The following CHRM3 variants were observed in gnomAD, a reference collection of about 807,000 sequenced individuals.
CHRM3 encodes the protein muscarinic acetylcholine receptor M3.
In CHRM3, 11 loss-of-function variants were observed where a neutral mutation model predicts 41.8. The ratio of observed to expected loss-of-function variants is 0.26; its 90% CI spans 0.17 to 0.44. CHRM3 has a LOEUF of 0.44. CHRM3 is among the 20% of genes least tolerant of loss of function. CHRM3 has a pLI of 1.00. For missense variants in CHRM3, 571 were observed against 745.4 expected, an observed-to-expected ratio of 0.77 and a Z score of 2.72; for synonymous variants, 297 against 301.4, an observed-to-expected ratio of 0.99 and a Z score of 0.15.
intron 2 of CHRM3, among the ~76,000 whole-genome samples, chr1:239,506,528 G>A (rs1668581155): frequency 6.6e-6 from 1 of 152,196 alleles, no homozygotes; most frequent in Admixed American, 6.5e-5. Context: ...GAGAATGTAT[G>A]GAAATGCCTG....
intron 1 of CHRM3, among the ~76,000 whole-genome samples, chr1:239,417,465 G>A (rs547372844): frequency 5.3e-5 from 8 of 151,458 alleles, no homozygotes; most frequent in South Asian, 2.1e-4. Flanking sequence ...GGTTAACTTC[G>A]TTATGAACAA....
intron 3 of CHRM3, among the ~76,000 whole-genome samples, chr1:239,559,987 G>A (rs1190683944): frequency 6.6e-5 from 10 of 152,136 alleles, no homozygotes; most frequent in Admixed American, 6.5e-4. Context: ...AATTCAGAGT[G>A]ATAGATGGAC....
At chr1:239,850,448 A>G (rs1016229376) in intron 6 of CHRM3, among the ~76,000 whole-genome samples, 2 of 152,112 alleles carry the variant, frequency 1.3e-5, no homozygotes, top group Non-Finnish European at 2.9e-5. Flanking sequence ...TGTAATTTTC[A>G]TTGAAAGAAA....
At chr1:239,558,949 A>G (rs190007247) in intron 3 of CHRM3, among the ~76,000 whole-genome samples, 1 of 152,304 alleles carries the variant, frequency 6.6e-6, no homozygotes, top group African/African-American at 2.4e-5. Context: ...AGAAGCTTTC[A>G]CAGGAAGGGC....
intron 5 of CHRM3, among the ~76,000 whole-genome samples, chr1:239,709,283 T>G: frequency 6.6e-6 from 1 of 152,204 alleles, no homozygotes; most frequent in East Asian, 1.9e-4. Flanking sequence ...TTTTGTCTAA[T>G]ACTTTTTCAG....
chr1:239,781,405 C>G (rs796839320), intron 5 of CHRM3, among the ~76,000 whole-genome samples: 2 of 152,134 alleles, frequency 1.3e-5, no homozygotes, highest in East Asian at 3.8e-4. Context: ...CTGTTCATTG[C>G]TAGTACAGGA....
At chr1:239,445,463 A>G (rs1664054954) in intron 1 of CHRM3, among the ~76,000 whole-genome samples, 1 of 152,202 alleles carries the variant, frequency 6.6e-6, no homozygotes. Context: ...ACAGGACGGC[A>G]TTAATGTTTC....
chr1:239,397,964 A>C (rs1659638925), intron 1 of CHRM3, among the ~76,000 whole-genome samples: 1 of 151,942 alleles, frequency 6.6e-6, no homozygotes, highest in Non-Finnish European at 1.5e-5. Flanking sequence ...ATTCCCTTTG[A>C]AATTTTGGAG....
At position 239,525,014 on chromosome 1, in the gene CHRM3, G is replaced by T. The variant is rs532304388; in HGVS notation, c.-421-20627G>T. Among the ~76,000 whole-genome samples the T allele has an allele frequency of 5.7e-4, 86 of 152,022 alleles. 1 individual carries two copies. Among genetic ancestry groups the T allele is most frequent in the African/African-American group, 2.0e-3 (81 of 41,478 alleles). ...AAATATCCTTTACAATGTACTAACC[G>T]GATTATATTATCGTGTGTTTCGCCT... On this transcript the variant is annotated intron_variant, in intron 2 of 6. Coordinates refer to ENST00000676153, the MANE Select transcript of CHRM3 (RefSeq NM_001375978.1).
chr1:239,630,606 G>A (rs190752348), intron 3 of CHRM3, among the ~76,000 whole-genome samples: 77 of 152,304 alleles, frequency 5.1e-4, no homozygotes, highest in African/African-American at 1.8e-3. Context: ...CTGAAGTGTT[G>A]TTTGATGACT....
chr1:239,678,059 G>A (rs950487830), intron 4 of CHRM3, 127 bp from the exon 5 acceptor site: 1 of 152,180 alleles, frequency 6.6e-6, no homozygotes, highest in African/African-American at 2.4e-5. Context: ...GAAATGCTGG[G>A]ATAAATCTCC....
At chr1:239,791,684 G>T (rs927663956) in intron 5 of CHRM3, among the ~76,000 whole-genome samples, 1 of 152,268 alleles carries the variant, frequency 6.6e-6, no homozygotes, top group South Asian at 2.1e-4. Flanking sequence ...AGCTCAGAGA[G>T]CTTGAGAAAA....
At chr1:239,662,470 G>C (rs1424236693) in intron 4 of CHRM3, among the ~76,000 whole-genome samples, 4 of 152,056 alleles carry the variant, frequency 2.6e-5, no homozygotes, top group African/African-American at 9.7e-5. Flanking sequence ...ATTTGGTATG[G>C]TAGCACCCTA....
chr1:239,540,971 C>A (rs1302337982), intron 2 of CHRM3, among the ~76,000 whole-genome samples: 1 of 152,116 alleles, frequency 6.6e-6, no homozygotes, highest in African/African-American at 2.4e-5. Flanking sequence ...AATGAAGAAT[C>A]TTGATTTGTT....
chr1:239,719,929 G>A (rs1314687339), intron 5 of CHRM3, among the ~76,000 whole-genome samples: 1 of 151,950 alleles, frequency 6.6e-6, no homozygotes, highest in Middle Eastern at 3.2e-3. Context: ...ACAAATAAAA[G>A]GACATTGTGT....
intron 1 of CHRM3, among the ~76,000 whole-genome samples, chr1:239,412,852 G>A (rs559553793): frequency 5.3e-5 from 8 of 151,966 alleles, no homozygotes; most frequent in South Asian, 4.2e-4. Flanking sequence ...AGGTCGAGGC[G>A]GGCAGATTAC....
intron 5 of CHRM3, among the ~76,000 whole-genome samples, chr1:239,750,894 A>G (rs535416158): frequency 2.0e-4 from 31 of 152,252 alleles, no homozygotes; most frequent in African/African-American, 7.5e-4. Context: ...TTTTAACACC[A>G]GTTATCTCCT....
At chr1:239,464,741 G>A (rs772150416) in intron 1 of CHRM3, among the ~76,000 whole-genome samples, 2 of 152,104 alleles carry the variant, frequency 1.3e-5, no homozygotes, top group Non-Finnish European at 2.9e-5. Flanking sequence ...TGCAGTTTCT[G>A]CCTTCTTTCT....
intron 3 of CHRM3, among the ~76,000 whole-genome samples, chr1:239,550,514 C>A (rs943510903): frequency 6.6e-6 from 1 of 152,064 alleles, no homozygotes; most frequent in African/African-American, 2.4e-5. Flanking sequence ...TTAGATTGCA[C>A]AATAAATAAT....
Sources: allele counts gnomAD v4.1 joint callset (sites outside exome capture counted in the v4.1 genomes callset), GRCh38; gene constraint gnomAD v4.1.1; transcripts MANE v1.5; gene names NCBI Gene and HGNC (gene_info 2026-07-23, HGNC 2026-07-21).